ME3: variants seen among roughly 807,000 people sequenced by gnomAD.
ME3 encodes the protein NADP-dependent malic enzyme, mitochondrial.
A neutral mutation model predicts 68.9 loss-of-function variants in ME3; 48 were observed. The observed-to-expected ratio is 0.70, with a 90% CI of 0.55 to 0.89. The LOEUF (loss-of-function observed/expected upper bound fraction) is 0.89, where lower values mean the gene tolerates loss of function less well. Among genes scored for constraint, ME3 ranks in the 40% least tolerant of loss-of-function variants. The pLI is 0.00. For missense variants in ME3, 675 were observed against 797.4 expected (o/e 0.85, Z 1.85); for synonymous variants, 320 against 318.8 (o/e 1.00, Z -0.04).
At chr11:86,439,958 G>A (rs1267460390), downstream of ME3, among the ~76,000 whole-genome samples, 1 of 152,104 alleles carries the variant, frequency 6.6e-6, no homozygotes, top group Non-Finnish European at 1.5e-5. Flanking sequence ...CATAGAGGAG[G>A]GATGTTTTCT....
At chr11:86,618,087 C>T (rs963614121) in intron 2 of ME3, among the ~76,000 whole-genome samples, 1 of 151,796 alleles carries the variant, frequency 6.6e-6, no homozygotes. Context: ...TTGCCTGAGT[C>T]CAGGAGTTCC....
rs947021284 is a variant in ME3 at position 86,580,548 on chromosome 11, CTTAAA to C, written c.184-20730_184-20726del. 1.2e-4 allele frequency among the ~76,000 whole-genome samples: 19 copies of C among 152,200 alleles called. No individual in the cohort carries two copies. In the South Asian group the frequency reaches 3.1e-3, roughly 25 times the overall value. ...CAGTTTGTGGGTCTGTATTTTATAA[CTTAAA>C]TTAATAAAGATATTAACACTACTTC... On this transcript the variant is annotated intron_variant, in intron 2 of 14. Transcript: ENST00000543262.
intron 2 of ME3, among the ~76,000 whole-genome samples, chr11:86,631,524 C>G (rs1160024435): frequency 6.6e-6 from 1 of 152,088 alleles, no homozygotes; most frequent in Non-Finnish European, 1.5e-5. Flanking sequence ...TCAGAATCTC[C>G]TTGGTGAACT....
At chr11:86,475,874 T>TATAGAGAGAGAGAGAGAGAG in intron 7 of ME3, among the ~76,000 whole-genome samples, 17 of 91,462 alleles carry the variant, frequency 1.9e-4, no homozygotes, top group Middle Eastern at 6.0e-3. Flanking sequence ...TATATATATA[T>TATAGAGAGAGAGAGAGAGAG]AGAGAGAGAG....
At chr11:86,469,565 G>A (rs947897229) in intron 7 of ME3, among the ~76,000 whole-genome samples, 3 of 152,200 alleles carry the variant, frequency 2.0e-5, no homozygotes, top group African/African-American at 7.2e-5. Flanking sequence ...TCTGTCCTGC[G>A]AGAAGCTCCC....
intron 2 of ME3, among the ~76,000 whole-genome samples, chr11:86,652,427 G>A (rs550869950): frequency 1.9e-3 from 292 of 152,270 alleles, no homozygotes; most frequent in Middle Eastern, 6.8e-3. Context: ...AGAAGAGAGT[G>A]GGGGTCAATA....
chr11:86,585,561 AG>A (rs1321256178), intron 2 of ME3, among the ~76,000 whole-genome samples: 5 of 152,182 alleles, frequency 3.3e-5, no homozygotes, highest in Non-Finnish European at 5.9e-5. Context: ...TTTGGGTGGG[AG>A]TGGAAGGAGA....
chr11:86,596,894 A>T (rs1337968985), intron 2 of ME3, among the ~76,000 whole-genome samples: 1 of 152,078 alleles, frequency 6.6e-6, no homozygotes, highest in African/African-American at 2.4e-5. Flanking sequence ...ATAGATGATG[A>T]TGGGATGGGC....
intron 7 of ME3, among the ~76,000 whole-genome samples, chr11:86,466,713 G>A (rs1235091805): frequency 6.6e-6 from 1 of 152,166 alleles, no homozygotes; most frequent in East Asian, 1.9e-4. Context: ...TGTTCCTGCC[G>A]TGGTCCTTCC....
At chr11:86,646,240 T>C (rs562341410) in intron 2 of ME3, among the ~76,000 whole-genome samples, 2 of 152,084 alleles carry the variant, frequency 1.3e-5, no homozygotes, top group African/African-American at 2.4e-5. Flanking sequence ...AGGTGGGTAA[T>C]AACAAACTCC....
chr11:86,625,721 G>T (rs1473040615), intron 2 of ME3, among the ~76,000 whole-genome samples: 1 of 152,208 alleles, frequency 6.6e-6, no homozygotes, highest in Non-Finnish European at 1.5e-5. Flanking sequence ...CATTGAGTCA[G>T]AATTCACAAA....
chr11:86,560,698 AATGAT>A (rs1309451615), intron 2 of ME3, among the ~76,000 whole-genome samples: 7 of 138,830 alleles, frequency 5.0e-5, no homozygotes, highest in Admixed American at 4.7e-4. Context: ...ATATGTATAT[AATGAT>A]ATGTGTGTGT....
intron 2 of ME3, among the ~76,000 whole-genome samples, chr11:86,596,878 C>T (rs1187593887): frequency 1.3e-5 from 2 of 152,106 alleles, no homozygotes; most frequent in Non-Finnish European, 2.9e-5. Flanking sequence ...CTGTCAGAAC[C>T]AGGTCATAGA....
chr11:86,530,095 A>T (rs541324944), intron 4 of ME3, among the ~76,000 whole-genome samples: 2 of 152,330 alleles, frequency 1.3e-5, no homozygotes, highest in East Asian at 3.9e-4. Context: ...TTGTATATCT[A>T]GAAAACCCCA....
intron 2 of ME3, among the ~76,000 whole-genome samples, chr11:86,644,618 C>T (rs747100333): frequency 2.0e-5 from 3 of 152,240 alleles, no homozygotes; most frequent in South Asian, 4.1e-4. Context: ...AACAGTCTTA[C>T]TGCAGCTTCT....
intron 4 of ME3, among the ~76,000 whole-genome samples, chr11:86,526,885 C>T (rs1337138674): frequency 6.6e-6 from 1 of 152,082 alleles, no homozygotes; most frequent in Non-Finnish European, 1.5e-5. Context: ...CATCACAGAC[C>T]AAAGGTAGAT....
chr11:86,465,275 TG>T, intron 7 of ME3, 75 bp from the exon 8 acceptor site: 1 of 1,060,240 alleles, frequency 9.4e-7, no homozygotes, highest in Non-Finnish European at 1.4e-6. Context: ...GCTTGCACAG[TG>T]GGGTGGGGAG....
Position 86,559,872 on chromosome 11 carries a change from G to C in ME3, c.184-49C>G, listed in dbSNP as rs140696975. The C allele has an allele frequency of 8.8e-5, 140 of 1,589,106 alleles. No homozygotes were observed. In the African/African-American group the frequency reaches 1.5e-3, roughly 18 times the overall value. On this transcript the variant is annotated intron_variant, in intron 2 of 14. Coordinates refer to ENST00000543262, the Ensembl canonical transcript of ME3. The stretch of plus-strand genomic sequence containing the variant: ...CCCACACATAAGTGCATACTCAGGA[G>C]ACAAAGGAACAGAAGGGGTCCCACC...
chr11:86,520,264 C>T (rs1015881991), intron 4 of ME3, among the ~76,000 whole-genome samples: 1 of 152,168 alleles, frequency 6.6e-6, no homozygotes, highest in Non-Finnish European at 1.5e-5. Flanking sequence ...TCAGTGGGAC[C>T]TCCCTGGAAT....
Sources: allele counts gnomAD v4.1 joint callset (sites outside exome capture counted in the v4.1 genomes callset), GRCh38; gene constraint gnomAD v4.1.1; transcripts MANE v1.5; gene names NCBI Gene and HGNC (gene_info 2026-07-23, HGNC 2026-07-21).